The following TC2N variants were observed in gnomAD, a reference collection of about 807,000 sequenced individuals.
TC2N encodes the protein tandem C2 domains, nuclear.
Under a neutral mutation model 61.9 loss-of-function variants are expected in TC2N, and 51 were observed. The observed-to-expected ratio is 0.82, with a 90% CI of 0.66 to 1.04. The LOEUF is 1.04. Ranked by LOEUF, TC2N falls within the 50% of genes least tolerant of loss-of-function variation. TC2N has a pLI of 0.00. For synonymous variants in TC2N, 204 were observed against 192.6 expected, an observed-to-expected ratio of 1.06 and a Z score of -0.49; for missense variants, 556 against 566.7, an observed-to-expected ratio of 0.98 and a Z score of 0.19.
intron 8 of TC2N, among the ~76,000 whole-genome samples, chr14:91,796,580 G>A (rs943762336): frequency 0.19 from 21 of 110 alleles, no homozygotes; most frequent in Non-Finnish European, 0.22. Context: ...CTAATGACTG[G>A]TATCCTTTAA....
intron 3 of TC2N, among the ~76,000 whole-genome samples, chr14:91,810,801 CGA>C (rs1846339221): frequency 6.7e-6 from 1 of 148,256 alleles, no homozygotes. Context: ...AGATAACAGA[CGA>C]GACAGTGAAC....
chr14:91,835,406 T>C (rs1418638310), intron 1 of TC2N, among the ~76,000 whole-genome samples: 3 of 152,234 alleles, frequency 2.0e-5, no homozygotes, highest in Non-Finnish European at 4.4e-5. Context: ...CCAGGCTATG[T>C]TCTACAATAT....
chr14:91,802,835 GA>G (rs1168849265), intron 3 of TC2N, among the ~76,000 whole-genome samples: 1 of 150,492 alleles, frequency 6.6e-6, no homozygotes, highest in Non-Finnish European at 1.5e-5. Context: ...CTCAAATTTG[GA>G]AGGACTGAAA....
At chr14:91,799,978 G>A (rs1419780456) in intron 5 of TC2N, among the ~76,000 whole-genome samples, 1 of 151,948 alleles carries the variant, frequency 6.6e-6, no homozygotes, top group Admixed American at 6.6e-5. Flanking sequence ...AGTAAGAAAA[G>A]CTAAATTAAT....
At chr14:91,801,023 TACAC>T (rs561108692) in intron 4 of TC2N, among the ~76,000 whole-genome samples, 4 of 150,604 alleles carry the variant, frequency 2.7e-5, no homozygotes, top group Non-Finnish European at 4.4e-5. Context: ...TACATATATA[TACAC>T]ACACATATGT....
intron 1 of TC2N, among the ~76,000 whole-genome samples, chr14:91,848,619 T>A (rs1041052168): frequency 6.6e-6 from 1 of 152,212 alleles, no homozygotes; most frequent in Admixed American, 6.5e-5. Context: ...GGTGTCATTA[T>A]TTTTCCCATT....
intron 1 of TC2N, among the ~76,000 whole-genome samples, chr14:91,823,336 C>A (rs1887343944): frequency 6.6e-6 from 1 of 151,422 alleles, no homozygotes; most frequent in South Asian, 2.1e-4. Flanking sequence ...GCCTGACCAA[C>A]CTGAAGAAAC....
At chr14:91,839,648 T>C (rs1888127819) in intron 1 of TC2N, among the ~76,000 whole-genome samples, 1 of 152,236 alleles carries the variant, frequency 6.6e-6, no homozygotes, top group African/African-American at 2.4e-5. Flanking sequence ...TGTGAAATAA[T>C]TTTACAAATA....
At chr14:91,786,698 G>C (rs1885380618) in intron 10 of TC2N, among the ~76,000 whole-genome samples, 1 of 152,102 alleles carries the variant, frequency 6.6e-6, no homozygotes, top group Admixed American at 6.5e-5. Flanking sequence ...TTCTGAATTT[G>C]AAATTATATC....
chr14:91,826,661 G>A (rs1054356184), intron 1 of TC2N, among the ~76,000 whole-genome samples: 5 of 151,928 alleles, frequency 3.3e-5, no homozygotes, highest in Admixed American at 3.3e-4. Context: ...TTATGCTCAA[G>A]GTGTCTTTTA....
At chr14:91,813,049 G>T (rs1333945177) in intron 2 of TC2N, among the ~76,000 whole-genome samples, 2 of 151,674 alleles carry the variant, frequency 1.3e-5, no homozygotes, top group Non-Finnish European at 3.0e-5. Context: ...TAGACTGAAA[G>T]TACAAGTACT....
At chr14:91,830,937 G>C (rs1887741046) in intron 1 of TC2N, among the ~76,000 whole-genome samples, 1 of 152,226 alleles carries the variant, frequency 6.6e-6, no homozygotes, top group Admixed American at 6.5e-5. Context: ...AGCCCTTTGT[G>C]GTCCCAGAAT....
At chr14:91,826,007 T>C (rs546541699) in intron 1 of TC2N, among the ~76,000 whole-genome samples, 110 of 152,204 alleles carry the variant, frequency 7.2e-4, no homozygotes, top group African/African-American at 2.5e-3. Context: ...ATCAAATTCG[T>C]TGGTCATGTT....
intron 8 of TC2N, among the ~76,000 whole-genome samples, chr14:91,793,275 C>T (rs1223692970): frequency 5.3e-5 from 8 of 152,162 alleles, no homozygotes; most frequent in Admixed American, 1.3e-4. Flanking sequence ...TGACACTAGA[C>T]GGTTCTTTGC....
At chr14:91,852,154 G>A (rs12590263) in intron 1 of TC2N, among the ~76,000 whole-genome samples, 74,405 of 152,116 alleles carry the variant, frequency 0.49, 18,530 homozygotes, top group African/African-American at 0.57. Flanking sequence ...GCGGCCAAGC[G>A]CGGTGGCTCA....
chr14:91,805,484 TA>T, intron 3 of TC2N, among the ~76,000 whole-genome samples: 1 of 152,248 alleles, frequency 6.6e-6, no homozygotes, highest in East Asian at 1.9e-4. Context: ...CTGGCCAACA[TA>T]GTGAAATCCA....
chr14:91,853,303 T>C (rs1315731830), intron 1 of TC2N, among the ~76,000 whole-genome samples: 2 of 152,036 alleles, frequency 1.3e-5, no homozygotes, highest in African/African-American at 4.8e-5. Context: ...CTGCCTATAA[T>C]GAAGGTGAGA....
intron 1 of TC2N, among the ~76,000 whole-genome samples, chr14:91,826,198 T>C (rs59412110): frequency 0.019 from 2,873 of 151,820 alleles, 83 homozygotes; most frequent in African/African-American, 0.065. Flanking sequence ...TGCATACCTG[T>C]AGTTCCAGTT....
intron 1 of TC2N, among the ~76,000 whole-genome samples, chr14:91,839,674 A>G (rs1256557251): frequency 6.6e-6 from 1 of 152,238 alleles, no homozygotes; most frequent in Non-Finnish European, 1.5e-5. Context: ...TCATGAATAC[A>G]TTGGGGGTAC....
Sources: allele counts gnomAD v4.1 joint callset (sites outside exome capture counted in the v4.1 genomes callset), GRCh38; gene constraint gnomAD v4.1.1; transcripts MANE v1.5; gene names NCBI Gene and HGNC (gene_info 2026-07-23, HGNC 2026-07-21).